The following MPPED1 variants were observed in gnomAD, a reference collection of about 807,000 sequenced individuals.
MPPED1 encodes the protein metallophosphoesterase domain containing 1, also known as metallophosphoesterase domain-containing protein 1.
Under a neutral mutation model 36.2 loss-of-function variants are expected in MPPED1, and 16 were observed. The ratio of observed to expected loss-of-function variants is 0.44; its 90% confidence interval spans 0.30 to 0.67. The LOEUF is 0.67. Among genes scored for constraint, MPPED1 ranks in the 30% least tolerant of loss-of-function variants. MPPED1 has a pLI of 0.10. For synonymous variants in MPPED1, 199 were observed against 191.3 expected (o/e 1.04, Z -0.33); for missense variants, 307 against 453.4 (o/e 0.68, Z 2.93).
intron 4 of MPPED1, among the ~76,000 whole-genome samples, chr22:43,482,541 C>A (rs116831696): frequency 6.6e-6 from 1 of 152,208 alleles, no homozygotes; most frequent in Admixed American, 6.5e-5. Context: ...CATCCTGGTA[C>A]GTGGCTCCCA....
At chr22:43,443,265 G>GGGAC (rs1275205489) in intron 3 of MPPED1, among the ~76,000 whole-genome samples, 5 of 152,198 alleles carry the variant, frequency 3.3e-5, no homozygotes, top group Non-Finnish European at 5.9e-5. Flanking sequence ...CTGACCAGCT[G>GGGAC]GGACGAGGGC....
At chr22:43,501,336 T>C (rs1932727758) in intron 5 of MPPED1, among the ~76,000 whole-genome samples, 1 of 152,202 alleles carries the variant, frequency 6.6e-6, no homozygotes, top group Admixed American at 6.5e-5. Flanking sequence ...TTTTTCCTCC[T>C]TTTTCCTTCT....
chr22:43,426,530 G>A (rs1929479964), intron 2 of MPPED1, among the ~76,000 whole-genome samples: 1 of 152,214 alleles, frequency 6.6e-6, no homozygotes, highest in South Asian at 2.1e-4. Flanking sequence ...TAGGGCAGCG[G>A]TGCTTGTGGC....
At chr22:43,422,905 CG>C (rs1339075678) in intron 1 of MPPED1, among the ~76,000 whole-genome samples, 2 of 152,100 alleles carry the variant, frequency 1.3e-5, no homozygotes, top group African/African-American at 4.8e-5. Context: ...GGCGCTGTCT[CG>C]GCTCACTGCA....
At chr22:43,469,608 T>G (rs1931297621) in intron 3 of MPPED1, among the ~76,000 whole-genome samples, 1 of 122,484 alleles carries the variant, frequency 8.2e-6, no homozygotes, top group Non-Finnish European at 1.8e-5. Flanking sequence ...GGACTTCCGT[T>G]CTGTGTCCTC....
chr22:43,481,567 C>A (rs980545830), intron 4 of MPPED1, among the ~76,000 whole-genome samples: 6 of 152,132 alleles, frequency 3.9e-5, no homozygotes, highest in Non-Finnish European at 5.9e-5. Context: ...GGATGGATGG[C>A]AAGCTGTGGG....
At chr22:43,487,857 G>T (rs1931960236) in intron 4 of MPPED1, among the ~76,000 whole-genome samples, 1 of 152,168 alleles carries the variant, frequency 6.6e-6, no homozygotes, top group Non-Finnish European at 1.5e-5. Flanking sequence ...GATGAACTGA[G>T]CTACTAGACG....
chr22:43,499,593 G>GTGA (rs1932564578), intron 5 of MPPED1, among the ~76,000 whole-genome samples: 1 of 117,322 alleles, frequency 8.5e-6, no homozygotes, highest in Admixed American at 8.2e-5. Flanking sequence ...GGTGGTGGTA[G>GTGA]TGGAGGTGGT....
intron 3 of MPPED1, among the ~76,000 whole-genome samples, chr22:43,470,290 C>A (rs1041084603): frequency 2.2e-5 from 3 of 137,222 alleles, no homozygotes; most frequent in African/African-American, 9.7e-5. Context: ...TATAAACCAT[C>A]CATTCATCCA....
chr22:43,505,605 C>A lies in MPPED1; in HGVS notation c.970C>A (p.Arg324=). The A allele has an allele frequency of 6.2e-7, 1 of 1,609,852 alleles. No individual in the cohort carries two copies. Residue 324 remains arginine (R), a synonymous_variant, in exon 7 of 7, where the codon CGG becomes AGG. Transcript: ENST00000443721. The part of the protein sequence containing the change: ...PPIVIDLPTP[R]NS ...CATAGTCATCGACCTCCCCACACCC[C>A]GGAACTCCTGACTGCTCCCCACTGC... is the stretch of plus-strand genomic sequence containing the variant.
At chr22:43,415,231 A>AAAAAAAAAAAAAAAAAAG (rs1929039164) in intron 1 of MPPED1, among the ~76,000 whole-genome samples, 1 of 142,484 alleles carries the variant, frequency 7.0e-6, no homozygotes, top group Non-Finnish European at 1.6e-5. Context: ...AAAGCAAAAA[A>AAAAAAAAAAAAAAAAAAG]AAAAAAAAAA....
intron 3 of MPPED1, among the ~76,000 whole-genome samples, chr22:43,447,138 G>C (rs1314080109): frequency 1.3e-5 from 2 of 152,192 alleles, no homozygotes; most frequent in Non-Finnish European, 2.9e-5. Context: ...GGCTGTGCCA[G>C]GTTCCCTCGT....
intron 3 of MPPED1, among the ~76,000 whole-genome samples, chr22:43,455,684 A>G (rs1409686250): frequency 6.6e-6 from 1 of 152,236 alleles, no homozygotes; most frequent in Non-Finnish European, 1.5e-5. Flanking sequence ...AAACCCATTC[A>G]TAATCTCAGC....
intron 3 of MPPED1, among the ~76,000 whole-genome samples, chr22:43,447,870 T>TATATATATATA (rs1930406946): frequency 3.6e-5 from 1 of 27,596 alleles, no homozygotes; most frequent in Non-Finnish European, 6.2e-5. Context: ...TATATATATA[T>TATATATATATA]ATATATATAT....
At chr22:43,439,326 T>C (rs146376745) in intron 3 of MPPED1, among the ~76,000 whole-genome samples, 3 of 152,358 alleles carry the variant, frequency 2.0e-5, no homozygotes, top group Non-Finnish European at 4.4e-5. Context: ...TTTGTAAATG[T>C]CGAGTAAGCA....
At chr22:43,504,980 G>A (rs1260718777) in intron 6 of MPPED1, among the ~76,000 whole-genome samples, 2 of 151,680 alleles carry the variant, frequency 1.3e-5, no homozygotes, top group Non-Finnish European at 2.9e-5. Context: ...GATAAAGGTA[G>A]TGATGATGAT....
intron 3 of MPPED1, among the ~76,000 whole-genome samples, chr22:43,443,552 A>G (rs1930227083): frequency 6.6e-6 from 1 of 152,060 alleles, no homozygotes; most frequent in African/African-American, 2.4e-5. Flanking sequence ...GGCGAGGGAG[A>G]TGGCTGACCT....
At chr22:43,493,490 C>T (rs1194624661) in intron 4 of MPPED1, among the ~76,000 whole-genome samples, 3 of 152,194 alleles carry the variant, frequency 2.0e-5, no homozygotes, top group African/African-American at 7.2e-5. Flanking sequence ...CCTCCCCCAG[C>T]CTCCACCAAC....
chr22:43,420,407 C>CTT (rs1929225452), intron 1 of MPPED1, among the ~76,000 whole-genome samples: 1 of 149,454 alleles, frequency 6.7e-6, no homozygotes, highest in Non-Finnish European at 1.5e-5. Context: ...TTCAGATAGA[C>CTT]ATTTTTTTTT....
Sources: allele counts gnomAD v4.1 joint callset (sites outside exome capture counted in the v4.1 genomes callset), GRCh38; gene constraint gnomAD v4.1.1; transcripts MANE v1.5; gene names NCBI Gene and HGNC (gene_info 2026-07-23, HGNC 2026-07-21).